Variants in CD99L2 observed in about 807,000 individuals in gnomAD.
The protein encoded by CD99L2 is CD99 antigen-like protein 2.
Under a neutral mutation model 27.3 loss-of-function variants are expected in CD99L2, and 24 were observed. The observed-to-expected ratio is 0.88, with a 90% CI of 0.64 to 1.24. The LOEUF is 1.24. CD99L2 is among the 50% of genes most tolerant of loss of function. The pLI is 0.00. For synonymous variants in CD99L2, 97 were observed against 87.9 expected (o/e 1.10, Z -0.58); for missense variants, 255 against 221.6 (o/e 1.15, Z -0.96).
intron 1 of CD99L2, among the ~76,000 whole-genome samples, chrX:150,849,583 G>C (rs2046758043): frequency 9.0e-6 from 1 of 110,523 alleles, no homozygotes; most frequent in South Asian, 3.9e-4. Context: ...TCAGCAGGCT[G>C]AGGTGGGAGG....
At chrX:150,896,952 G>A (rs1204198312) in intron 1 of CD99L2, among the ~76,000 whole-genome samples, 3 of 112,193 alleles carry the variant, frequency 2.7e-5, no homozygotes, top group Admixed American at 1.9e-4. Flanking sequence ...CAATTGTAAC[G>A]TGCAAATCTG....
intron 6 of CD99L2, 110 bp downstream of exon 6, chrX:150,795,096 T>C (rs2045771892): frequency 2.3e-6 from 2 of 862,710 alleles, no homozygotes; most frequent in African/African-American, 2.0e-5. Context: ...ACCACCATTA[T>C]AGGGTTCTCC....
Position 150,768,980 on chromosome X carries a change from A to G in CD99L2, c.*54T>C. ...CGGGTCCAAATGAAGGGGTGGGGGG[A>G]GCCGGGTGACAAGCGGTGGCACCAT... On this transcript the variant is annotated 3_prime_UTR_variant, in exon 11 of 11. Coordinates refer to ENST00000370377, the MANE Select transcript of CD99L2 (RefSeq NM_031462.4). The G allele has an allele frequency of 9.0e-7, 1 of 1,110,102 alleles. No homozygotes were observed. The highest frequency in any genetic ancestry group is 1.2e-6 in the Non-Finnish European group (1 of 856,344). The allele number at this position is 1,110,102 out of a possible 1,213,427, so 91.5% of individuals were successfully genotyped here.
chrX:150,816,034 T>C lies in CD99L2; in HGVS notation c.175A>G (p.Thr59Ala). 8.3e-7 allele frequency: 1 copy of C among 1,211,576 alleles called. No individual in the cohort carries two copies. Among genetic ancestry groups the C allele is most frequent in the East Asian group, 3.0e-5 (1 of 33,827 alleles). The change falls in exon 3 of 11, where the codon ACC (threonine) becomes GCC (alanine). Residue 59 changes from threonine to alanine, a missense_variant. Physicochemically the swap from Thr to Ala is moderately conservative, Grantham distance 58 (BLOSUM62 0). Transcript: ENST00000370377. ...TTTTTTNRPGTTRAPAKPPGS... is the reference protein window; with the variant it reads ...TTTTTTNRPGATRAPAKPPGS... ...GGAGGTTTTGCCGGAGCTCTGGTGG[T>C]TCCTGGCCTATTGGTTGTGGTGGTG...
intron 1 of CD99L2, among the ~76,000 whole-genome samples, chrX:150,864,661 C>A (rs1278449529): frequency 8.9e-6 from 1 of 112,377 alleles, no homozygotes; most frequent in East Asian, 2.8e-4. Flanking sequence ...GATATAGCAA[C>A]ACGAAGAGAT....
At position 150,824,645 on chromosome X, in the gene CD99L2, GA is replaced by G. The variant is rs1557420858; in HGVS notation, c.130+6585del. Among the ~76,000 whole-genome samples the G allele has an allele frequency of 2.8e-3, 184 of 65,551 alleles. 1 individual carries two copies. Among genetic ancestry groups the G allele is most frequent in the African/African-American group, 0.011 (168 of 15,497 alleles). The allele number at this position is 65,551 out of a possible 115,157, so 56.9% of individuals were successfully genotyped here. On this transcript the variant is annotated intron_variant, in intron 2 of 10. Transcript: ENST00000370377. ...AGAAGGAGGAGAAGAAGGAGGAGAA[GA>G]AGAAGAAGAAGAAGAAGAAGAGGAA... is the stretch of plus-strand genomic sequence containing the variant.
chrX:150,800,013 T>C (rs1204973662), intron 4 of CD99L2, among the ~76,000 whole-genome samples: 2 of 112,266 alleles, frequency 1.8e-5, no homozygotes, highest in African/African-American at 6.5e-5. Flanking sequence ...AAGCAAAATA[T>C]GGTATATACA....
chrX:150,853,202 A>G (rs1469098647), intron 1 of CD99L2, among the ~76,000 whole-genome samples: 1 of 112,059 alleles, frequency 8.9e-6, no homozygotes, highest in Non-Finnish European at 1.9e-5. Context: ...TACTCCAGCA[A>G]GTGAAATGAT....
chrX:150,819,368 G>A (rs1367991188), intron 2 of CD99L2: 1 of 150,540 alleles, frequency 6.6e-6, no homozygotes, highest in East Asian at 2.0e-4. Flanking sequence ...AGCTCTTTGG[G>A]TTCCATATTT....
At chrX:150,824,384 G>A (rs1043472184) in intron 2 of CD99L2, among the ~76,000 whole-genome samples, 4 of 65,852 alleles carry the variant, frequency 6.1e-5, no homozygotes, top group Non-Finnish European at 6.3e-5. Flanking sequence ...GAAGAAGAAA[G>A]AAGAAGAAGA....
At chrX:150,771,004 G>C (rs1001726804) in intron 9 of CD99L2, among the ~76,000 whole-genome samples, 9 of 112,351 alleles carry the variant, frequency 8.0e-5, no homozygotes, top group African/African-American at 1.3e-4. Flanking sequence ...AGAGGGATTC[G>C]GGGACTGTAC....
chrX:150,796,492 G>C (rs1557419914), intron 4 of CD99L2, among the ~76,000 whole-genome samples: 1 of 112,496 alleles, frequency 8.9e-6, no homozygotes. Flanking sequence ...AGAGTGTCTA[G>C]ACACATTAAG....
intron 10 of CD99L2, 38 bp downstream of exon 10, chrX:150,770,266 A>G: frequency 8.5e-7 from 1 of 1,173,762 alleles, no homozygotes; most frequent in Admixed American, 2.2e-5. Context: ...ACCAACTAGG[A>G]AAGCGTCAGC....
At chrX:150,846,267 T>G (rs1557421467) in intron 1 of CD99L2, among the ~76,000 whole-genome samples, 1 of 112,285 alleles carries the variant, frequency 8.9e-6, no homozygotes, top group East Asian at 2.8e-4. Flanking sequence ...GTGACACTGC[T>G]GGTGTCACAC....
Position 150,778,849 on chromosome X carries a change from C to CA in CD99L2, c.497-1368dup, listed in dbSNP as rs562626533. Among the ~76,000 whole-genome samples the CA allele has an allele frequency of 1.6e-3, 159 of 98,681 alleles. 1 individual carries two copies. The highest frequency in any genetic ancestry group is 3.2e-3 in the South Asian group (7 of 2,194). The allele number at this position is 98,681 out of a possible 115,157, so 85.7% of individuals were successfully genotyped here. A position where few individuals can be genotyped will look rare whatever the true frequency, so the allele number is the denominator to read the frequency against. On this transcript the variant is annotated intron_variant, in intron 7 of 10. Transcript: ENST00000370377. The stretch of plus-strand genomic sequence containing the variant: ...AAGAGCACCAGCATTAAAAACAAAA[C>CA]AAAAAAAAAACAAAAAAATACACAC...
intron 1 of CD99L2, among the ~76,000 whole-genome samples, chrX:150,855,480 G>A (rs1247086052): frequency 1.8e-5 from 2 of 111,384 alleles, no homozygotes; most frequent in Non-Finnish European, 3.8e-5. Flanking sequence ...GAGAGACTGT[G>A]AGGGGGGAAG....
intron 1 of CD99L2, among the ~76,000 whole-genome samples, chrX:150,846,949 G>A (rs2046713083): frequency 8.9e-6 from 1 of 112,593 alleles, no homozygotes; most frequent in African/African-American, 3.2e-5. Context: ...TCTAGTTGGT[G>A]TTGCATGTAT....
intron 1 of CD99L2, among the ~76,000 whole-genome samples, chrX:150,847,683 C>T (rs1800087346): frequency 9.0e-6 from 1 of 110,555 alleles, no homozygotes; most frequent in South Asian, 3.9e-4. Flanking sequence ...ATGCCAAGCC[C>T]TGGCTCTCCA....
chrX:150,873,045 GA>G (rs1473233231), intron 1 of CD99L2, among the ~76,000 whole-genome samples: 1 of 111,692 alleles, frequency 9.0e-6, no homozygotes, highest in Non-Finnish European at 1.9e-5. Flanking sequence ...CAGACACTGG[GA>G]AAAAACCAGC....
Sources: allele counts gnomAD v4.1 joint callset (sites outside exome capture counted in the v4.1 genomes callset), GRCh38; gene constraint gnomAD v4.1.1; transcripts MANE v1.5; gene names NCBI Gene and HGNC (gene_info 2026-07-23, HGNC 2026-07-21).